MYO1B: variants seen among roughly 807,000 people sequenced by gnomAD.
MYO1B encodes unconventional myosin-Ib.
In MYO1B, 72 loss-of-function variants were observed where a neutral mutation model predicts 159.7. The observed-to-expected ratio is 0.45, with a 90% CI of 0.37 to 0.55. MYO1B has a LOEUF of 0.55. Among genes scored for constraint, MYO1B ranks in the 20% least tolerant of loss-of-function variants. MYO1B has a pLI of 0.00. For missense variants in MYO1B, 1,062 were observed against 1,364.8 expected (o/e 0.78, Z 3.50); for synonymous variants, 468 against 473.8 (o/e 0.99, Z 0.16).
intron 28 of MYO1B, 36 bp from the exon 29 acceptor site, chr2:191,414,481 A>T (rs750605546): frequency 2.4e-5 from 38 of 1,555,520 alleles, no homozygotes; most frequent in Non-Finnish European, 3.0e-5. Flanking sequence ...AGTATTTGTG[A>T]TCATTGGTTT....
rs139993932 is a variant in MYO1B at position 191,280,099 on chromosome 2, G to A, written c.135+3069G>A. Among the ~76,000 whole-genome samples the A allele has an allele frequency of 7.2e-5, 11 of 152,242 alleles. No homozygotes were observed. The East Asian group carries it at 2.1e-3, about 29-fold the overall frequency. On this transcript the variant is annotated intron_variant, in intron 2 of 30. Coordinates refer to ENST00000392318, the MANE Select transcript of MYO1B (RefSeq NM_001130158.3). ...CTGTATCTTCCCAGAGCTCTCGTGA[G>A]GGATTGCTTTGCCCCTGGGTATGAG...
Position 191,393,146 on chromosome 2 carries a change from G to A in MYO1B, c.2150G>A (p.Gly717Glu). 1.2e-6 allele frequency: 2 copies of A among 1,613,882 alleles called. No homozygotes were observed. Among genetic ancestry groups the A allele is most frequent in the South Asian group, 1.1e-5 (1 of 91,028 alleles). ...LATLIQKIYR[G>E]WKCRTHFLLM... is the part of the protein sequence containing the mutation. ...ACTCTCATTCAGAAGATATATCGGG[G>A]GTGGAAATGCCGCACACACTTCCTG... is the stretch of plus-strand genomic sequence containing the variant. The change falls in exon 20 of 31, where the codon GGG becomes GAG. Residue 717 changes from glycine (G) to glutamate (E), a missense_variant. Physicochemically the swap from Gly to Glu is moderately conservative, Grantham distance 98. This residue lies in a region of MYO1B where 609 missense variants were observed against 744.4 expected (regional missense o/e 0.82). Transcript: ENST00000392318.
Position 191,424,024 on chromosome 2 carries a change from TA to T in MYO1B, c.*65del. 6.5e-7 allele frequency: 1 copy of T among 1,537,296 alleles called. No individual in the cohort carries two copies. On this transcript the variant is annotated 3_prime_UTR_variant, in exon 31 of 31. Coordinates refer to ENST00000392318, the MANE Select transcript of MYO1B (RefSeq NM_001130158.3). The stretch of plus-strand genomic sequence containing the variant: ...GTAATAGTGCAATTTGGTTTTGTTT[TA>T]TTTGGGGTTCATTGTATGTTTGGGA...
At chr2:191,269,640 A>C (rs1396669252) in intron 1 of MYO1B, among the ~76,000 whole-genome samples, 1 of 152,180 alleles carries the variant, frequency 6.6e-6, no homozygotes, top group African/African-American at 2.4e-5. Flanking sequence ...GGTTATGCCT[A>C]ATCAGATTGT....
At chr2:191,248,035 G>C (rs939201738) in intron 1 of MYO1B, 1 of 985,170 alleles carries the variant, frequency 1.0e-6, no homozygotes, top group African/African-American at 1.7e-5. Context: ...TGGCTAAGAA[G>C]GGATCTTCAG....
chr2:191,256,519 G>A (rs1010871468), intron 1 of MYO1B, among the ~76,000 whole-genome samples: 31 of 152,098 alleles, frequency 2.0e-4, no homozygotes, highest in African/African-American at 6.8e-4. Context: ...AATCCTAGCA[G>A]TGCACATAAT....
Position 191,400,364 on chromosome 2 carries a change from G to C in MYO1B, c.2296-18G>C, listed in dbSNP as rs756229140. 19 of 1,612,866 alleles carry C rather than the reference G, an allele frequency of 1.2e-5. No individual in the cohort carries two copies. The South Asian group carries it at 1.6e-4, about 14-fold the overall frequency. ...TTATTTTTAAACATTCTCTCTTTTGGGTGATTCTGCCCTTTAGGCTCGAAA... is the reference window on the plus strand; with the variant it reads ...TTATTTTTAAACATTCTCTCTTTTGCGTGATTCTGCCCTTTAGGCTCGAAA... On this transcript the variant is annotated intron_variant, in intron 21 of 30. Coordinates refer to ENST00000392318, the MANE Select transcript of MYO1B (RefSeq NM_001130158.3).
chr2:191,352,593 A>G (rs1436371852), intron 7 of MYO1B, among the ~76,000 whole-genome samples: 1 of 152,200 alleles, frequency 6.6e-6, no homozygotes, highest in East Asian at 1.9e-4. Context: ...TCCAATTAAG[A>G]TTAATATATC....
At chr2:191,420,422 G>A (rs1053963345) in intron 30 of MYO1B, among the ~76,000 whole-genome samples, 3 of 152,138 alleles carry the variant, frequency 2.0e-5, no homozygotes, top group Admixed American at 6.5e-5. Context: ...TGGTAAGGGC[G>A]CTAGACAAGT....
chr2:191,318,715 A>G (rs182874522), intron 3 of MYO1B, among the ~76,000 whole-genome samples: 2 of 152,294 alleles, frequency 1.3e-5, no homozygotes, highest in South Asian at 2.1e-4. Context: ...CAACATAGTC[A>G]TTTTCTTGTA....
chr2:191,265,009 G>GT (rs943640147), intron 1 of MYO1B, among the ~76,000 whole-genome samples: 1 of 151,976 alleles, frequency 6.6e-6, no homozygotes, highest in Non-Finnish European at 1.5e-5. Flanking sequence ...TCTTGTGGAT[G>GT]TTTTTTCCAG....
rs371013596 is a variant in MYO1B, at chr2:191,322,486, A to G, written c.252-7449A>G. Reference sequence around the variant, plus strand: ...CAGTCCAATAGAAGGAAAGGTGCTTATTTTGTTGAGTAACTCTTAGCAAGC... The same window carrying G: ...CAGTCCAATAGAAGGAAAGGTGCTTGTTTTGTTGAGTAACTCTTAGCAAGC... On this transcript the variant is annotated intron_variant, in intron 3 of 30. Transcript: ENST00000392318. Among the ~76,000 whole-genome samples, 63 of 152,192 alleles carry G rather than the reference A, an allele frequency of 4.1e-4. 2 individuals are homozygous for G. In the East Asian group the frequency reaches 9.1e-3, roughly 22 times the overall value.
At chr2:191,368,933 T>C (rs1284450817) in intron 11 of MYO1B, among the ~76,000 whole-genome samples, 1 of 152,108 alleles carries the variant, frequency 6.6e-6, no homozygotes, top group African/African-American at 2.4e-5. Flanking sequence ...GAGATTGTGC[T>C]ACTGCACTCC....
At position 191,326,786 on chromosome 2, in the gene MYO1B, G is replaced by A. The variant is rs982828004; in HGVS notation, c.252-3149G>A. Among the ~76,000 whole-genome samples the A allele has an allele frequency of 2.1e-3, 297 of 140,294 alleles. 1 individual carries two copies. The highest frequency in any genetic ancestry group is 8.4e-3 in the African/African-American group (271 of 32,086). The allele number at this position is 140,294 out of a possible 152,430, so 92.0% of individuals were successfully genotyped here. Reference sequence around the variant, plus strand: ...TTTGTATATATGTGTGTGTGTGTGTGTGTGTGTGTGTGTGTGTGTGTGTGT... The same window carrying A: ...TTTGTATATATGTGTGTGTGTGTGTATGTGTGTGTGTGTGTGTGTGTGTGT... On this transcript the variant is annotated intron_variant, in intron 3 of 30. Transcript: ENST00000392318.
chr2:191,248,234 A>T (rs1331085232), intron 1 of MYO1B, among the ~76,000 whole-genome samples: 1 of 152,214 alleles, frequency 6.6e-6, no homozygotes, highest in Non-Finnish European at 1.5e-5. Context: ...TCATCATCAC[A>T]ACAACTTGAT....
At position 191,423,972 on chromosome 2, in the gene MYO1B, T is replaced by C; in HGVS notation, c.*12T>C. 1 of 1,611,634 alleles carries C rather than the reference T, an allele frequency of 6.2e-7. No individual in the cohort carries two copies. Among genetic ancestry groups the C allele is most frequent in the South Asian group, 1.1e-5 (1 of 90,572 alleles). On this transcript the variant is annotated 3_prime_UTR_variant, in exon 31 of 31. Coordinates refer to ENST00000392318, the MANE Select transcript of MYO1B (RefSeq NM_001130158.3). ...TTGCTGTCCCTTAACTGGCGCCTCC[T>C]CTCTACTTTCATGGACTTGTTCCTT...
intron 3 of MYO1B, among the ~76,000 whole-genome samples, chr2:191,326,358 T>C (rs1159475079): frequency 6.6e-6 from 1 of 152,000 alleles, no homozygotes; most frequent in African/African-American, 2.4e-5. Flanking sequence ...AGGGGGTTTG[T>C]GTTCTTTGGG....
chr2:191,392,889 T>C (rs1695841362), intron 19 of MYO1B, among the ~76,000 whole-genome samples, 184 bp from the exon 20 acceptor site: 1 of 152,230 alleles, frequency 6.6e-6, no homozygotes, highest in Admixed American at 6.5e-5. Context: ...CTTTCATGAA[T>C]CCATCAAAAT....
chr2:191,347,177 T>A (rs1311473977), intron 6 of MYO1B, among the ~76,000 whole-genome samples: 1 of 152,230 alleles, frequency 6.6e-6, no homozygotes, highest in Non-Finnish European at 1.5e-5. Flanking sequence ...TAGATCCCGT[T>A]TGGCTCTTTC....
Sources: allele counts gnomAD v4.1 joint callset (sites outside exome capture counted in the v4.1 genomes callset), GRCh38; gene constraint gnomAD v4.1.1; regional missense constraint gnomAD v4.1.1; transcripts MANE v1.5; gene names NCBI Gene and HGNC (gene_info 2026-07-23, HGNC 2026-07-21).